The following TNFRSF10A variants were observed in gnomAD, a reference collection of about 807,000 sequenced individuals.
The protein encoded by TNFRSF10A is tumor necrosis factor receptor superfamily member 10A.
TNFRSF10A carries 44 observed loss-of-function variants against 42.8 expected under a neutral mutation model. The ratio of observed to expected loss-of-function variants is 1.03; its 90% CI spans 0.81 to 1.32. The LOEUF (loss-of-function observed/expected upper bound fraction) is 1.32, where lower values mean the gene tolerates loss of function less well. TNFRSF10A is among the 40% of genes most tolerant of loss of function. The pLI, the probability that TNFRSF10A is intolerant of heterozygous loss-of-function variation, is 0.00. For missense variants in TNFRSF10A, 680 were observed against 602.0 expected (o/e 1.13, Z -1.36); for synonymous variants, 259 against 234.2 (o/e 1.11, Z -0.97).
intron 2 of TNFRSF10A, among the ~76,000 whole-genome samples, chr8:23,208,444 C>A (rs1398634665): frequency 6.6e-6 from 1 of 151,924 alleles, no homozygotes; most frequent in Non-Finnish European, 1.5e-5. Context: ...GTATATAATT[C>A]TTTTTTTGTT....
intron 1 of TNFRSF10A, among the ~76,000 whole-genome samples, chr8:23,219,102 G>C (rs1801223655): frequency 6.6e-6 from 1 of 152,104 alleles, no homozygotes; most frequent in African/African-American, 2.4e-5. Context: ...GGTGGGGGGT[G>C]GGGGAGGTGG....
chr8:23,196,399 T>A (rs140920699), intron 9 of TNFRSF10A, among the ~76,000 whole-genome samples: 2,307 of 152,236 alleles, frequency 0.015, 56 homozygotes, highest in African/African-American at 0.053. Context: ...GGTTTCACCA[T>A]GTTAGCCAGG....
Position 23,201,563 on chromosome 8 carries a change from G to A in TNFRSF10A, c.629+245C>T, listed in dbSNP as rs569853762. On this transcript the variant is annotated intron_variant, in intron 4 of 9. Coordinates refer to ENST00000221132, the MANE Select transcript of TNFRSF10A (RefSeq NM_003844.4). ...GTGAACAAGTCAGCCTGGCCAAGGGGACTAGTGCTGGGGAGGGGTGAGAAG... is the reference window on the plus strand; with the variant it reads ...GTGAACAAGTCAGCCTGGCCAAGGGAACTAGTGCTGGGGAGGGGTGAGAAG... 3.9e-5 allele frequency among the ~76,000 whole-genome samples: 6 copies of A among 152,070 alleles called. No homozygotes were observed. In the South Asian group the frequency reaches 1.2e-3, roughly 32 times the overall value.
At chr8:23,201,271 CA>C (rs1329585160) in intron 4 of TNFRSF10A, among the ~76,000 whole-genome samples, 1 of 152,144 alleles carries the variant, frequency 6.6e-6, no homozygotes, top group African/African-American at 2.4e-5. Flanking sequence ...AATCAGGGGC[CA>C]GGGGTGAGGC....
Position 23,200,553 on chromosome 8 carries a change from G to A in TNFRSF10A, c.751C>T (p.Pro251Ser). The stretch of plus-strand genomic sequence containing the variant: ...ATCAGCACAGCCACCAACAGCAACG[G>A]AACAACCAAAGTCACAACCAAAATC... ...WVILVVTLVV[P>S]LLLVAVLIVC... The change falls in exon 6 of 10, where the codon CCG becomes TCG. Residue 251 changes from proline to serine, a missense_variant. By Grantham distance (74) the Pro-to-Ser change is moderately conservative. Transcript: ENST00000221132. 6.2e-7 allele frequency: 1 copy of A among 1,614,154 alleles called. No homozygotes were observed. The highest frequency in any genetic ancestry group is 8.5e-7 in the Non-Finnish European group (1 of 1,180,014).
intron 2 of TNFRSF10A, chr8:23,207,041 C>T (rs945672057): frequency 1.1e-5 from 5 of 456,592 alleles, no homozygotes; most frequent in East Asian, 5.0e-5. Flanking sequence ...AATATCCATA[C>T]ATCACCCACC....
chr8:23,207,449 C>T, intron 2 of TNFRSF10A: 3 of 455,480 alleles, frequency 6.6e-6, no homozygotes, highest in Non-Finnish European at 1.3e-5. Flanking sequence ...ATGCCTTTAC[C>T]ACTGAATGAT....
intron 9 of TNFRSF10A, among the ~76,000 whole-genome samples, chr8:23,195,531 A>G (rs369878315): frequency 8.1e-6 from 1 of 123,788 alleles, no homozygotes. Flanking sequence ...TTTACAATGG[A>G]ACACAGTTGG....
intron 7 of TNFRSF10A, 24 bp downstream of exon 7, chr8:23,199,862 C>T: frequency 6.2e-7 from 1 of 1,614,180 alleles, no homozygotes; most frequent in Non-Finnish European, 8.5e-7. Flanking sequence ...CTGATGCCCC[C>T]AGCTCCTGGA....
intron 2 of TNFRSF10A, among the ~76,000 whole-genome samples, chr8:23,208,579 C>T (rs1047092159): frequency 6.6e-6 from 1 of 152,156 alleles, no homozygotes; most frequent in African/African-American, 2.4e-5. Context: ...CCTCAGCCTC[C>T]TGAGTAGCTG....
At chr8:23,192,451 AG>A (rs1800769715) in intron 9 of TNFRSF10A, among the ~76,000 whole-genome samples, 2 of 152,192 alleles carry the variant, frequency 1.3e-5, no homozygotes, top group Non-Finnish European at 2.9e-5. Context: ...GGTCTGGGGC[AG>A]GGGACCTCTG....
intron 9 of TNFRSF10A, among the ~76,000 whole-genome samples, chr8:23,195,338 C>T (rs1316247558): frequency 6.6e-6 from 1 of 152,004 alleles, no homozygotes; most frequent in Non-Finnish European, 1.5e-5. Flanking sequence ...GTCTGGAGAA[C>T]TTTTTTCTTC....
intron 9 of TNFRSF10A, among the ~76,000 whole-genome samples, chr8:23,193,444 G>A (rs142485979): frequency 2.4e-4 from 37 of 152,354 alleles, no homozygotes; most frequent in Middle Eastern, 3.4e-3. Context: ...GGCCCAGACA[G>A]CAGGATCTGC....
Position 23,191,581 on chromosome 8 carries a change from T to A in TNFRSF10A, c.*113A>T. 2.1e-6 allele frequency: 3 copies of A among 1,410,268 alleles called. No individual in the cohort carries two copies. Among genetic ancestry groups the A allele is most frequent in the Non-Finnish European group, 1.9e-6 (2 of 1,077,852 alleles). The allele number at this position is 1,410,268 out of a possible 1,614,324, so 87.4% of individuals were successfully genotyped here. A position where few individuals can be genotyped will look rare whatever the true frequency, so the allele number is the denominator to read the frequency against. On this transcript the variant is annotated 3_prime_UTR_variant, in exon 10 of 10. Coordinates refer to ENST00000221132, the MANE Select transcript of TNFRSF10A (RefSeq NM_003844.4). ...TCCCAAAGTGCTGGGATTACAGGCA[T>A]GAGCCACTACACCTGGCTAAGAATT...
rs776407069 is a variant in TNFRSF10A, at chr8:23,199,255, C to T, written c.1014+11G>A. The T allele has an allele frequency of 1.6e-5, 26 of 1,609,492 alleles. No individual in the cohort carries two copies. Among genetic ancestry groups the T allele is most frequent in the South Asian group, 2.2e-5 (2 of 91,016 alleles). Reference sequence around the variant, plus strand: ...CCTACAAGGTCTTGGAGGGGCCTGTCCCCAACTCACCAGCAGACACTGTGC... The same window carrying T: ...CCTACAAGGTCTTGGAGGGGCCTGTTCCCAACTCACCAGCAGACACTGTGC... On this transcript the variant is annotated intron_variant, in intron 8 of 9. Coordinates refer to ENST00000221132, the MANE Select transcript of TNFRSF10A (RefSeq NM_003844.4).
At chr8:23,201,291 T>C (rs1800913793) in intron 4 of TNFRSF10A, among the ~76,000 whole-genome samples, 1 of 152,268 alleles carries the variant, frequency 6.6e-6, no homozygotes, top group African/African-American at 2.4e-5. Context: ...GCTGGCTGGG[T>C]GGGCTCAGGT....
chr8:23,224,299 C>CAAAAAAAAAAAAAA (rs71208595), intron 1 of TNFRSF10A: 1 of 101,608 alleles, frequency 9.8e-6, no homozygotes, highest in Non-Finnish European at 2.0e-5. Context: ...GACTCCGTTT[C>CAAAAAAAAAAAAAA]AAAAAAAAAA....
intron 2 of TNFRSF10A, among the ~76,000 whole-genome samples, chr8:23,207,771 G>C (rs1175710600): frequency 2.0e-5 from 3 of 152,044 alleles, no homozygotes; most frequent in Non-Finnish European, 4.4e-5. Flanking sequence ...ATCCATGTAA[G>C]ACATGACTTG....
intron 8 of TNFRSF10A, among the ~76,000 whole-genome samples, chr8:23,197,486 C>G (rs1414296577): frequency 1.3e-5 from 2 of 152,286 alleles, no homozygotes; most frequent in East Asian, 3.9e-4. Context: ...GGGTTGCATA[C>G]TCCTTATGAG....
Sources: allele counts gnomAD v4.1 joint callset (sites outside exome capture counted in the v4.1 genomes callset), GRCh38; gene constraint gnomAD v4.1.1; transcripts MANE v1.5; gene names NCBI Gene and HGNC (gene_info 2026-07-23, HGNC 2026-07-21).